DNER: variants seen among roughly 807,000 people sequenced by gnomAD.
The protein encoded by DNER is delta and Notch-like epidermal growth factor-related receptor.
Under a neutral mutation model 78.2 loss-of-function variants are expected in DNER, and 33 were observed. The ratio of observed to expected loss-of-function variants is 0.42; its 90% confidence interval spans 0.32 to 0.56. DNER has a LOEUF of 0.56. Ranked by LOEUF, DNER falls within the 20% of genes least tolerant of loss-of-function variation. The pLI, the probability that DNER is intolerant of heterozygous loss-of-function variation, is 0.11. For missense variants in DNER, 918 were observed against 975.3 expected (o/e 0.94, Z 0.78); for synonymous variants, 417 against 384.8 (o/e 1.08, Z -0.98).
At position 229,591,900 on chromosome 2, in the gene DNER, C is replaced by A; in HGVS notation, c.277-12G>T. 6.6e-7 allele frequency: 1 copy of A among 1,518,944 alleles called. No individual in the cohort carries two copies. Among genetic ancestry groups the A allele is most frequent in the Non-Finnish European group, 8.8e-7 (1 of 1,136,064 alleles). 94.1% of individuals were successfully genotyped at this position (1,518,944 alleles called of 1,614,324 possible). On this transcript the variant is annotated splice_polypyrimidine_tract_variant and intron_variant, in intron 1 of 12. Coordinates refer to ENST00000341772, the MANE Select transcript of DNER (RefSeq NM_139072.4). This position sits in a 1 kb window ranked among gnomAD's most constrained non-coding sequence, Gnocchi z 4.6. ...GGATCTGCAACAAGCTGAAACGAGACCATAAATGGGTCAATTATTCCCTCA... is the reference window on the plus strand; with the variant it reads ...GGATCTGCAACAAGCTGAAACGAGAACATAAATGGGTCAATTATTCCCTCA...
At chr2:229,636,432 T>C (rs905922714) in intron 1 of DNER, among the ~76,000 whole-genome samples, 1 of 151,734 alleles carries the variant, frequency 6.6e-6, no homozygotes, top group African/African-American at 2.4e-5. Context: ...ACAGGATAGA[T>C]GGGGAAACAG....
At chr2:229,561,395 A>G (rs1696957505) in intron 4 of DNER, among the ~76,000 whole-genome samples, 1 of 152,188 alleles carries the variant, frequency 6.6e-6, no homozygotes, top group African/African-American at 2.4e-5. Context: ...CTGAAGATAG[A>G]TTGGCTTATT....
At chr2:229,693,830 T>C (rs1699620211) in intron 1 of DNER, among the ~76,000 whole-genome samples, 1 of 152,072 alleles carries the variant, frequency 6.6e-6, no homozygotes, top group Non-Finnish European at 1.5e-5. Context: ...AAAAACCCAT[T>C]TTCTAGGGAG....
At chr2:229,360,500 C>A (rs1692187545) in intron 12 of DNER, among the ~76,000 whole-genome samples, 1 of 152,170 alleles carries the variant, frequency 6.6e-6, no homozygotes, top group South Asian at 2.1e-4. Flanking sequence ...GCAAGCTCCA[C>A]CTCCTATGTT....
chr2:229,579,405 C>A (rs1292264432), intron 4 of DNER, among the ~76,000 whole-genome samples: 1 of 152,202 alleles, frequency 6.6e-6, no homozygotes, highest in Non-Finnish European at 1.5e-5. Context: ...TCCCACAGCC[C>A]TGCTACCTAC....
chr2:229,466,325 C>T (rs935744369), intron 7 of DNER, among the ~76,000 whole-genome samples: 1 of 152,106 alleles, frequency 6.6e-6, no homozygotes, highest in Non-Finnish European at 1.5e-5. Context: ...TTCTGTGTCT[C>T]CCTCTCCCTC....
At chr2:229,698,597 T>C (rs944956779) in intron 1 of DNER, among the ~76,000 whole-genome samples, 4 of 152,284 alleles carry the variant, frequency 2.6e-5, no homozygotes, top group Middle Eastern at 3.4e-3. Context: ...CATCACGCTG[T>C]TAAGTTTGAA....
intron 8 of DNER, among the ~76,000 whole-genome samples, chr2:229,422,269 A>G (rs1163029517): frequency 2.6e-5 from 4 of 152,228 alleles, no homozygotes; most frequent in Non-Finnish European, 5.9e-5. Flanking sequence ...AATTCAGGCA[A>G]ACAAATTAGC....
At chr2:229,684,101 AGTGT>A (rs377602119) in intron 1 of DNER, among the ~76,000 whole-genome samples, 12 of 129,922 alleles carry the variant, frequency 9.2e-5, no homozygotes, top group African/African-American at 2.1e-4. Flanking sequence ...TACCTACCAG[AGTGT>A]GTGTGTGTGT....
At chr2:229,411,298 G>A (rs955192169) in intron 9 of DNER, among the ~76,000 whole-genome samples, 4 of 152,032 alleles carry the variant, frequency 2.6e-5, no homozygotes, top group South Asian at 4.1e-4. Flanking sequence ...AGCTCACGCC[G>A]GTAATCCCAG....
intron 1 of DNER, among the ~76,000 whole-genome samples, chr2:229,595,930 A>T (rs1697705073): frequency 6.6e-6 from 1 of 151,708 alleles, no homozygotes; most frequent in South Asian, 2.1e-4. Flanking sequence ...GTATGTGTGC[A>T]GGTTTGTTAC....
intron 1 of DNER, among the ~76,000 whole-genome samples, chr2:229,695,820 A>G (rs537403878): frequency 6.6e-6 from 1 of 152,314 alleles, no homozygotes; most frequent in South Asian, 2.1e-4. Context: ...ATGAATAGTA[A>G]GCTGAGGGTC....
chr2:229,521,591 TCAGA>T (rs1471109775), intron 5 of DNER, among the ~76,000 whole-genome samples: 1 of 152,158 alleles, frequency 6.6e-6, no homozygotes, highest in Non-Finnish European at 1.5e-5. Flanking sequence ...GACTAAAGGG[TCAGA>T]CAACCAGTTC....
intron 1 of DNER, among the ~76,000 whole-genome samples, chr2:229,634,837 C>G (rs1449839981): frequency 6.6e-6 from 1 of 152,176 alleles, no homozygotes; most frequent in Non-Finnish European, 1.5e-5. Context: ...CACCCGGCCA[C>G]TTGTCCCCTT....
rs1553554057 is a variant in DNER at position 229,700,303 on chromosome 2, T to TGTGTGTGTGTGTGTGA, written c.276+13844_276+13845insTCACACACACACACAC. On this transcript the variant is annotated intron_variant, in intron 1 of 12. Coordinates refer to ENST00000341772, the MANE Select transcript of DNER (RefSeq NM_139072.4). ...CAATATATGTGTGTGTGTGTGTGTG[T>TGTGTGTGTGTGTGTGA]GTGTGTGTGTGTGTGTATAGGGGTC... 1.4e-3 allele frequency among the ~76,000 whole-genome samples: 208 copies of TGTGTGTGTGTGTGTGA among 149,694 alleles called. 3 individuals are homozygous for TGTGTGTGTGTGTGTGA. The East Asian group carries it at 0.028, about 20-fold the overall frequency.
intron 5 of DNER, among the ~76,000 whole-genome samples, chr2:229,526,721 G>A (rs1350020947): frequency 6.6e-6 from 1 of 152,216 alleles, no homozygotes; most frequent in Non-Finnish European, 1.5e-5. Flanking sequence ...CTGACTTTCT[G>A]CTATGCGGCC....
intron 1 of DNER, among the ~76,000 whole-genome samples, chr2:229,643,501 G>A (rs1698663570): frequency 6.6e-6 from 1 of 152,214 alleles, no homozygotes; most frequent in African/African-American, 2.4e-5. Flanking sequence ...TAGCAGATAG[G>A]AGCACAGGCC....
At chr2:229,694,140 T>C (rs1327156564) in intron 1 of DNER, among the ~76,000 whole-genome samples, 1 of 152,194 alleles carries the variant, frequency 6.6e-6, no homozygotes, top group Non-Finnish European at 1.5e-5. Context: ...CAAGCCTTGG[T>C]GGCTTACATG....
At chr2:229,362,112 G>T (rs1303080800) in intron 12 of DNER, among the ~76,000 whole-genome samples, 1 of 152,166 alleles carries the variant, frequency 6.6e-6, no homozygotes, top group African/African-American at 2.4e-5. Flanking sequence ...CTAATGTGGT[G>T]GCTCCATCTG....
Sources: allele counts gnomAD v4.1 joint callset (sites outside exome capture counted in the v4.1 genomes callset), GRCh38; gene constraint gnomAD v4.1.1; non-coding constraint Gnocchi (gnomAD v3.1); transcripts MANE v1.5; gene names NCBI Gene and HGNC (gene_info 2026-07-23, HGNC 2026-07-21).